REPS1: variants seen among roughly 807,000 people sequenced by gnomAD.
REPS1 encodes the protein ralBP1-associated Eps domain-containing protein 1.
In REPS1, 39 loss-of-function variants were observed where a neutral mutation model predicts 100.9. The ratio of observed to expected loss-of-function variants is 0.39; its 90% CI spans 0.30 to 0.50. The LOEUF is 0.50. Among genes scored for constraint, REPS1 ranks in the 20% least tolerant of loss-of-function variants. The pLI is 0.86. For synonymous variants in REPS1, 324 were observed against 340.3 expected, an observed-to-expected ratio of 0.95 and a Z score of 0.53; for missense variants, 821 against 968.5, an observed-to-expected ratio of 0.85 and a Z score of 2.02.
In REPS1 at chr6:138,966,964, G is replaced by A. The variant is rs141812603; in HGVS notation, c.154-19051C>T. 5.0e-3 allele frequency among the ~76,000 whole-genome samples: 761 copies of A among 152,294 alleles called. 28 individuals are homozygous for A. Among genetic ancestry groups the A allele is most frequent in the East Asian group, 2.5e-3 (13 of 5,184 alleles). On this transcript the variant is annotated intron_variant, in intron 1 of 19. Coordinates refer to ENST00000450536, the MANE Select transcript of REPS1 (RefSeq NM_001286611.2). Reference sequence around the variant, plus strand: ...GCTATGGTTTGAAGTTCATGCTTTGGAAATTTAATCTCCAATACAACAACA... The same window carrying A: ...GCTATGGTTTGAAGTTCATGCTTTGAAAATTTAATCTCCAATACAACAACA...
intron 9 of REPS1, 139 bp from the exon 10 acceptor site, chr6:138,926,620 T>C (rs1196215108): frequency 6.4e-6 from 4 of 625,946 alleles, no homozygotes. Flanking sequence ...GTAATTTCTA[T>C]TTTTCCGTCA....
At chr6:138,985,413 C>T (rs1188469778) in intron 1 of REPS1, among the ~76,000 whole-genome samples, 1 of 152,158 alleles carries the variant, frequency 6.6e-6, no homozygotes, top group East Asian at 1.9e-4. Flanking sequence ...AATGCCTAGC[C>T]CAGTGTTAAG....
At chr6:138,933,152 CT>C (rs755198488) in intron 8 of REPS1, among the ~76,000 whole-genome samples, 33 of 152,276 alleles carry the variant, frequency 2.2e-4, no homozygotes, top group Non-Finnish European at 2.8e-4. Context: ...ACCATTTGTG[CT>C]TTGATGTAGT....
intron 1 of REPS1, among the ~76,000 whole-genome samples, chr6:138,955,457 A>AATGTGTGTGT (rs10689184): frequency 1.1e-5 from 1 of 90,720 alleles, no homozygotes; most frequent in Non-Finnish European, 2.0e-5. Flanking sequence ...AAAAAAAAAA[A>AATGTGTGTGT]GTGTGTGTGT....
chr6:138,981,144 C>T (rs1226221542), intron 1 of REPS1, among the ~76,000 whole-genome samples: 2 of 152,152 alleles, frequency 1.3e-5, no homozygotes, highest in East Asian at 1.9e-4. Flanking sequence ...ATGTCCAGTG[C>T]GTGCAGCAGA....
At chr6:138,941,551 A>G (rs1782248772) in intron 7 of REPS1, 62 bp from the exon 8 acceptor site, 3 of 1,469,322 alleles carry the variant, frequency 2.0e-6, no homozygotes, top group African/African-American at 2.8e-5. Context: ...TATTTCTCAA[A>G]AAGAAGCAAG....
At chr6:138,906,573 G>C (rs1375612727) in intron 19 of REPS1, among the ~76,000 whole-genome samples, 1 of 152,200 alleles carries the variant, frequency 6.6e-6, no homozygotes, top group African/African-American at 2.4e-5. Flanking sequence ...AGACAAATGT[G>C]TCACAGATAA....
chr6:138,975,184 A>G (rs73564725), intron 1 of REPS1, among the ~76,000 whole-genome samples: 13,348 of 151,984 alleles, frequency 0.088, 1,229 homozygotes, highest in African/African-American at 0.23. Flanking sequence ...AATCCACCAC[A>G]TTATCTTCTC....
chr6:138,912,138 C>A (rs1326224490), intron 16 of REPS1, among the ~76,000 whole-genome samples: 2 of 152,156 alleles, frequency 1.3e-5, no homozygotes, highest in East Asian at 3.9e-4. Context: ...AAAGAGATTG[C>A]AGAATTCCTC....
At chr6:138,979,102 A>G (rs1408185551) in intron 1 of REPS1, among the ~76,000 whole-genome samples, 1 of 141,038 alleles carries the variant, frequency 7.1e-6, no homozygotes, top group Non-Finnish European at 1.5e-5. Flanking sequence ...AATCGCTTCA[A>G]CCCGGGAGGC....
intron 15 of REPS1, 98 bp from the exon 16 acceptor site, chr6:138,913,048 G>T: frequency 1.1e-6 from 1 of 915,138 alleles, no homozygotes; most frequent in Non-Finnish European, 1.6e-6. Flanking sequence ...ATATAAAGAT[G>T]ACCTGTTTTA....
intron 1 of REPS1, among the ~76,000 whole-genome samples, chr6:138,982,077 C>T (rs1333331461): frequency 1.3e-5 from 2 of 152,188 alleles, no homozygotes; most frequent in African/African-American, 4.8e-5. Context: ...AAGATTATTT[C>T]TGTAGTTTAT....
rs748290618 is a variant in REPS1 at position 138,907,559 on chromosome 6, C to T, written c.2258G>A (p.Arg753Lys). Residue 753 changes from arginine to lysine, a missense_variant, in exon 19 of 20, where the codon AGA (arginine) becomes AAA (lysine). By Grantham distance (26) the Arg-to-Lys change is conservative. Transcript: ENST00000450536. The stretch of plus-strand genomic sequence containing the variant: ...AACGGTGTTGGTTTCCTTATTACGT[C>T]TAATTGATGCCTGAATAGCTTTCTT... ...KDKKAIQASI[R>K]RNKETNTVLA... 2 of 1,613,714 alleles carry T rather than the reference C, an allele frequency of 1.2e-6. No individual in the cohort carries two copies. Among genetic ancestry groups the T allele is most frequent in the Non-Finnish European group, 1.7e-6 (2 of 1,179,818 alleles).
intron 17 of REPS1, among the ~76,000 whole-genome samples, chr6:138,910,495 A>G (rs910933665): frequency 2.6e-5 from 4 of 152,118 alleles, no homozygotes; most frequent in African/African-American, 4.8e-5. Flanking sequence ...CTGGGACTAT[A>G]GGCGCATACC....
At chr6:138,939,509 T>C (rs1192679429) in intron 8 of REPS1, among the ~76,000 whole-genome samples, 1 of 152,194 alleles carries the variant, frequency 6.6e-6, no homozygotes, top group Non-Finnish European at 1.5e-5. Flanking sequence ...AAATTAAATA[T>C]ATGCAAAAGC....
intron 13 of REPS1, 139 bp downstream of exon 13, chr6:138,917,416 T>C: frequency 1.6e-6 from 1 of 631,250 alleles, no homozygotes; most frequent in Non-Finnish European, 2.7e-6. Flanking sequence ...GGATCAAAAT[T>C]ACTTGTCTTT....
chr6:138,941,311 G>A, intron 8 of REPS1, 24 bp downstream of exon 8: 1 of 1,611,818 alleles, frequency 6.2e-7, no homozygotes, highest in African/African-American at 1.3e-5. Context: ...CATGCAAACA[G>A]CTCTCTTCAG....
intron 1 of REPS1, among the ~76,000 whole-genome samples, chr6:138,986,295 A>T (rs9484219): frequency 1.3e-5 from 2 of 152,206 alleles, no homozygotes; most frequent in African/African-American, 4.8e-5. Context: ...TCCCACCTTT[A>T]AAAAAGCAAT....
chr6:138,932,679 T>C (rs1221698260), intron 8 of REPS1, among the ~76,000 whole-genome samples: 1 of 152,208 alleles, frequency 6.6e-6, no homozygotes, highest in East Asian at 1.9e-4. Context: ...GATTCAGTTG[T>C]AAGCTGAACA....
Sources: allele counts gnomAD v4.1 joint callset (sites outside exome capture counted in the v4.1 genomes callset), GRCh38; gene constraint gnomAD v4.1.1; transcripts MANE v1.5; gene names NCBI Gene and HGNC (gene_info 2026-07-23, HGNC 2026-07-21).